Variants in RORB observed in about 807,000 individuals in gnomAD.
RORB encodes RAR related orphan receptor B.
In RORB, 6 loss-of-function variants were observed where a neutral mutation model predicts 59.1. The ratio of observed to expected loss-of-function variants is 0.10; its 90% CI spans 0.06 to 0.20. RORB has a LOEUF of 0.20. RORB is among the 10% of genes least tolerant of loss of function. The pLI, the probability that RORB is intolerant of heterozygous loss-of-function variation, is 1.00. For missense variants in RORB, 320 were observed against 560.5 expected, an observed-to-expected ratio of 0.57 and a Z score of 4.33; for synonymous variants, 215 against 204.5, an observed-to-expected ratio of 1.05 and a Z score of -0.44.
intron 1 of RORB, among the ~76,000 whole-genome samples, chr9:74,621,241 T>G (rs1349790018): frequency 6.6e-6 from 1 of 152,182 alleles, no homozygotes; most frequent in African/African-American, 2.4e-5. Context: ...TCCCTAACAA[T>G]TCCCTGCCCT....
At chr9:74,578,334 A>G (rs996739639) in intron 1 of RORB, among the ~76,000 whole-genome samples, 4 of 152,144 alleles carry the variant, frequency 2.6e-5, no homozygotes, top group Non-Finnish European at 4.4e-5. Flanking sequence ...AAAGCAGTAA[A>G]TGTTTATTGA....
rs537017322 is a variant in RORB at position 74,525,914 on chromosome 9, T to G, written c.7+27931T>G. Among the ~76,000 whole-genome samples, 3 of 152,038 alleles carry G rather than the reference T, an allele frequency of 2.0e-5. No homozygotes were observed. The South Asian group carries it at 6.2e-4, about 32-fold the overall frequency. On this transcript the variant is annotated intron_variant, in intron 1 of 9. Coordinates refer to ENST00000376896, the MANE Select transcript of RORB (RefSeq NM_006914.4). Reference sequence around the variant, plus strand: ...AATTTACTAGAGTTAATTACTAAATTTTTTAAAGTATAGGGGAAAAAATTG... The same window carrying G: ...AATTTACTAGAGTTAATTACTAAATGTTTTAAAGTATAGGGGAAAAAATTG...
chr9:74,680,703 A>G (rs1824533650), intron 9 of RORB, among the ~76,000 whole-genome samples: 1 of 152,228 alleles, frequency 6.6e-6, no homozygotes, highest in Non-Finnish European at 1.5e-5. Context: ...TCAAATGGAC[A>G]TGTGAAATTG....
chr9:74,554,268 T>A (rs1172115431), intron 1 of RORB, among the ~76,000 whole-genome samples: 1 of 152,184 alleles, frequency 6.6e-6, no homozygotes, highest in Non-Finnish European at 1.5e-5. Flanking sequence ...TGACTCCTAG[T>A]GCCATGTATT....
At position 74,683,964 on chromosome 9, in the gene RORB, G is replaced by A. The variant is rs1215264322; in HGVS notation, c.1225-1499G>A. On this transcript the variant is annotated intron_variant, in intron 9 of 9. Transcript: ENST00000376896. The stretch of plus-strand genomic sequence containing the variant: ...TGAAAAAAAATTAATAATGTTGGAG[G>A]TAAAGTTTTGATTCTCAGTCTAAAA... Among the ~76,000 whole-genome samples, 5 of 152,186 alleles carry A rather than the reference G, an allele frequency of 3.3e-5. No homozygotes were observed. The East Asian group carries it at 9.6e-4, about 29-fold the overall frequency.
At chr9:74,660,833 T>A (rs1418707599) in intron 5 of RORB, 95 bp downstream of exon 5, 2 of 1,324,144 alleles carry the variant, frequency 1.5e-6, no homozygotes, top group East Asian at 4.9e-5. Flanking sequence ...TGGGCAATTC[T>A]TTTCTGTAAG....
chr9:74,566,921 C>G (rs1822478045), intron 1 of RORB, among the ~76,000 whole-genome samples: 1 of 152,166 alleles, frequency 6.6e-6, no homozygotes, highest in African/African-American at 2.4e-5. Context: ...GTTTATGTGA[C>G]TTTTCTTTCT....
chr9:74,571,189 C>A (rs1587364251), intron 1 of RORB, among the ~76,000 whole-genome samples: 1 of 151,954 alleles, frequency 6.6e-6, no homozygotes, highest in Non-Finnish European at 1.5e-5. Context: ...TTACTATAAG[C>A]AAAATTAAAG....
At position 74,596,665 on chromosome 9, in the gene RORB, A is replaced by G. The variant is rs535395328; in HGVS notation, c.8-33617A>G. Among the ~76,000 whole-genome samples the G allele has an allele frequency of 4.6e-5, 7 of 152,284 alleles. No homozygotes were observed. In the East Asian group the frequency reaches 1.4e-3, roughly 29 times the overall value. On this transcript the variant is annotated intron_variant, in intron 1 of 9. Transcript: ENST00000376896. ...GCCTCACAGATTCTGCCTCAGACTT[A>G]ACCCTGAGCTCACTCCAAGTTTGGA...
intron 1 of RORB, among the ~76,000 whole-genome samples, chr9:74,611,461 A>C (rs1180999246): frequency 6.6e-6 from 1 of 152,232 alleles, no homozygotes; most frequent in East Asian, 1.9e-4. Flanking sequence ...TTTTTAAACT[A>C]TCTCTCATCC....
chr9:74,607,912 G>A (rs1323364), intron 1 of RORB, among the ~76,000 whole-genome samples: 150,270 of 152,292 alleles, frequency 0.99, 74,169 homozygotes, highest in Middle Eastern at 1. Context: ...TAGGCATACT[G>A]CAGACATATG....
intron 1 of RORB, among the ~76,000 whole-genome samples, chr9:74,590,725 A>G (rs1288420510): frequency 1.3e-5 from 2 of 152,184 alleles, no homozygotes; most frequent in African/African-American, 2.4e-5. Flanking sequence ...GTTGCCCTTT[A>G]GGAGATATTT....
intron 1 of RORB, among the ~76,000 whole-genome samples, chr9:74,545,227 C>T (rs1208165968): frequency 6.6e-6 from 1 of 152,036 alleles, no homozygotes; most frequent in African/African-American, 2.4e-5. Context: ...CAGGCCCTCC[C>T]TTCCAATTTT....
At chr9:74,622,863 T>G (rs1346198205) in intron 1 of RORB, among the ~76,000 whole-genome samples, 1 of 152,000 alleles carries the variant, frequency 6.6e-6, no homozygotes, top group African/African-American at 2.4e-5. Flanking sequence ...AGGAGCAAAA[T>G]GCTGCATGTC....
At chr9:74,535,817 C>A (rs1826314744) in intron 1 of RORB, among the ~76,000 whole-genome samples, 1 of 151,810 alleles carries the variant, frequency 6.6e-6, no homozygotes, top group South Asian at 2.1e-4. Context: ...TAGTAGTATA[C>A]AAATTAAATA....
intron 8 of RORB, among the ~76,000 whole-genome samples, chr9:74,668,564 T>C (rs1474738309): frequency 1.3e-5 from 2 of 152,208 alleles, no homozygotes; most frequent in African/African-American, 2.4e-5. Context: ...AAACAGTCGA[T>C]TGACACATAC....
At chr9:74,536,573 T>C (rs991522700) in intron 1 of RORB, among the ~76,000 whole-genome samples, 1 of 152,040 alleles carries the variant, frequency 6.6e-6, no homozygotes. Flanking sequence ...GCTCTCACTT[T>C]CTGGAGCAAA....
chr9:74,563,377 G>A (rs1373931315), intron 1 of RORB, among the ~76,000 whole-genome samples: 1 of 151,812 alleles, frequency 6.6e-6, no homozygotes, highest in Admixed American at 6.6e-5. Context: ...GAAGAGATGG[G>A]GTTTCACCAT....
Position 74,691,518 on chromosome 9 carries a change from T to C in RORB, c.*5900T>C, listed in dbSNP as rs1824740652. 1 of 152,128 alleles carries C rather than the reference T, an allele frequency of 6.6e-6. No individual in the cohort carries two copies. The allele number at this position is 152,128 out of a possible 1,614,324, so 9.4% of individuals were successfully genotyped here. A position where few individuals can be genotyped will look rare whatever the true frequency, so the allele number is the denominator to read the frequency against. ...GAAAACTGAGTATGTATTGTAGAAA[T>C]GTAGAGGAAAAATAAAAATATTTTT... On this transcript the variant is annotated 3_prime_UTR_variant, in exon 10 of 10. Transcript: ENST00000376896.
Sources: allele counts gnomAD v4.1 joint callset (sites outside exome capture counted in the v4.1 genomes callset), GRCh38; gene constraint gnomAD v4.1.1; transcripts MANE v1.5; gene names NCBI Gene and HGNC (gene_info 2026-07-23, HGNC 2026-07-21).